The following LPIN3 variants were observed in gnomAD, a reference collection of about 807,000 sequenced individuals.
LPIN3 encodes lipin 3.
LPIN3 carries 82 observed loss-of-function variants against 94.7 expected under a neutral mutation model. The observed-to-expected ratio is 0.87, with a 90% confidence interval of 0.72 to 1.04. The LOEUF is 1.04. LPIN3 is among the 50% of genes least tolerant of loss of function. The pLI is 0.00. For synonymous variants in LPIN3, 418 were observed against 443.3 expected, an observed-to-expected ratio of 0.94 and a Z score of 0.72; for missense variants, 996 against 1,090.5, an observed-to-expected ratio of 0.91 and a Z score of 1.22.
chr20:41,350,379 A>G lies in LPIN3; in HGVS notation c.1084A>G (p.Arg362Gly), dbSNP rs748509051. 6 of 1,571,670 alleles carry G rather than the reference A, an allele frequency of 3.8e-6. No homozygotes were observed. The highest frequency in any genetic ancestry group is 5.2e-6 in the Non-Finnish European group (6 of 1,153,932). ...TCCAGTTCCCACCGGGCAGCCAGAG[A>G]GGGTCTCCAGGGGGAAAGGTGAGTG... ...EVPVPTGQPE[R>G]VSRGKGSPKR... The change falls in exon 7 of 20, where the codon AGG (arginine) becomes GGG (glycine). Residue 362 changes from arginine to glycine, a missense_variant. Physicochemically the swap from Arg to Gly is moderately radical, Grantham distance 125. Transcript: ENST00000373257.
At position 41,349,302 on chromosome 20, in the gene LPIN3, G is replaced by A. The variant is rs1328452438; in HGVS notation, c.638+130G>A. The stretch of plus-strand genomic sequence containing the variant: ...TACTAGCCATTCGTATTTTTCCTTT[G>A]TAAAGAGTTCAAGTCTTTTATTGAT... On this transcript the variant is annotated intron_variant, in intron 5 of 19. Coordinates refer to ENST00000373257, the MANE Select transcript of LPIN3 (RefSeq NM_022896.3). 6 of 752,674 alleles carry A rather than the reference G, an allele frequency of 8.0e-6. No homozygotes were observed. The Admixed American group carries it at 1.9e-4, about 24-fold the overall frequency. The allele number at this position is 752,674 out of a possible 1,614,324, so 46.6% of individuals were successfully genotyped here.
At chr20:41,341,311 T>C (rs555307836) in intron 1 of LPIN3, among the ~76,000 whole-genome samples, 8 of 152,182 alleles carry the variant, frequency 5.3e-5, no homozygotes, top group Non-Finnish European at 2.9e-5. Context: ...CTTTCTCTGG[T>C]ACCCAGTGTC....
rs749758366 is a variant in LPIN3, at chr20:41,357,406, G to A, written c.1998G>A (p.Trp666Ter). The A allele has an allele frequency of 7.4e-6, 12 of 1,613,958 alleles. No homozygotes were observed. In the Middle Eastern group the frequency reaches 1.3e-3, roughly 177 times the overall value. ...TCCTGCCCCAGCTGGGGAAAGACTGGACACACCAGGGCATCACCAGTCTCT... is the reference window on the plus strand; with the variant it reads ...TCCTGCCCCAGCTGGGGAAAGACTGAACACACCAGGGCATCACCAGTCTCT... ...GHILPQLGKD[W>*]THQGITSLYH... Residue 666 changes from tryptophan to a stop codon, truncating the protein, a stop_gained, in exon 16 of 20, where the codon TGG (tryptophan) becomes TGA (stop). Transcript: ENST00000373257. LOFTEE classifies it high-confidence loss of function.
Position 41,350,458 on chromosome 20 carries a change from G to A in LPIN3, c.1102+61G>A, listed in dbSNP as rs1456922999. 4.5e-6 allele frequency: 6 copies of A among 1,344,232 alleles called. No homozygotes were observed. In the African/African-American group the frequency reaches 7.4e-5, roughly 16 times the overall value. The allele number at this position is 1,344,232 out of a possible 1,614,324, so 83.3% of individuals were successfully genotyped here. A position where few individuals can be genotyped will look rare whatever the true frequency, so the allele number is the denominator to read the frequency against. On this transcript the variant is annotated intron_variant, in intron 7 of 19. Coordinates refer to ENST00000373257, the MANE Select transcript of LPIN3 (RefSeq NM_022896.3). ...GCCTCGCTCTGTCCCCTGGGTGGGT[G>A]CTGGGACTTCAAGTACATTTTGAGC...
At chr20:41,357,338 T>G (rs753293754) in intron 15 of LPIN3, 23 bp from the exon 16 acceptor site, 6 of 1,611,676 alleles carry the variant, frequency 3.7e-6, no homozygotes, top group Non-Finnish European at 5.1e-6. Context: ...TGCCTTGGAG[T>G]AACCCTTCCT....
Position 41,357,464 on chromosome 20 carries a change from G to T in LPIN3, c.2039+17G>T. On this transcript the variant is annotated intron_variant, in intron 16 of 19. Coordinates refer to ENST00000373257, the MANE Select transcript of LPIN3 (RefSeq NM_022896.3). ...AATCCAACTGTGAGTGCCTGGGCTG[G>T]GGCTGGGGCTGAGGCGAGGCCCCCA... 1 of 1,601,934 alleles carries T rather than the reference G, an allele frequency of 6.2e-7. No individual in the cohort carries two copies. Among genetic ancestry groups the T allele is most frequent in the African/African-American group, 1.3e-5 (1 of 74,658 alleles).
Position 41,356,039 on chromosome 20 carries a change from G to A in LPIN3, c.1803+5G>A. Reference sequence around the variant, plus strand: ...CGCCTCTCCTCCGATCAGATCGTAAGTGTGGGTTGTCTGTGTGGAGGTTGG... The same window carrying A: ...CGCCTCTCCTCCGATCAGATCGTAAATGTGGGTTGTCTGTGTGGAGGTTGG... On this transcript the variant is annotated splice_donor_5th_base_variant and intron_variant, in intron 14 of 19. Coordinates refer to ENST00000373257, the MANE Select transcript of LPIN3 (RefSeq NM_022896.3). The A allele has an allele frequency of 1.9e-6, 3 of 1,612,934 alleles. No homozygotes were observed. The highest frequency in any genetic ancestry group is 1.1e-5 in the South Asian group (1 of 90,982).
At chr20:41,346,047 T>G (rs760623105) in intron 2 of LPIN3, 52 bp downstream of exon 2, 3 of 1,568,860 alleles carry the variant, frequency 1.9e-6, no homozygotes, top group Admixed American at 1.7e-5. Flanking sequence ...CTTTTTAAGC[T>G]GGGGCAGCCA....
At chr20:41,353,001 C>A in intron 11 of LPIN3, 134 bp downstream of exon 11, 1 of 980,642 alleles carries the variant, frequency 1.0e-6, no homozygotes, top group Non-Finnish European at 1.6e-6. Context: ...GCAAGACTCA[C>A]TCTGGGAGAG....
Position 41,358,527 on chromosome 20 carries a change from A to G in LPIN3, c.2396A>G (p.Lys799Arg). ...GGAGAGCTCATCCAGGAGCTCATAA[A>G]GAACCACAAATCCACGTGAGGCTAA... ...PRGELIQELIKNHKSTYERLG... is the reference protein window; with the variant it reads ...PRGELIQELIRNHKSTYERLG... The change falls in exon 19 of 20, where the codon AAG becomes AGG. Residue 799 changes from lysine (K) to arginine (R), a missense_variant. By Grantham distance (26) the Lys-to-Arg change is conservative. Coordinates refer to ENST00000373257, the MANE Select transcript of LPIN3 (RefSeq NM_022896.3). 6.2e-7 allele frequency: 1 copy of G among 1,614,110 alleles called. No homozygotes were observed.
chr20:41,357,513 C>T lies in LPIN3; in HGVS notation c.2039+66C>T, dbSNP rs566179606. 4 of 1,408,018 alleles carry T rather than the reference C, an allele frequency of 2.8e-6. No individual in the cohort carries two copies. In the African/African-American group the frequency reaches 4.2e-5, roughly 15 times the overall value. The allele number at this position is 1,408,018 out of a possible 1,614,324, so 87.2% of individuals were successfully genotyped here. A position where few individuals can be genotyped will look rare whatever the true frequency, so the allele number is the denominator to read the frequency against. On this transcript the variant is annotated intron_variant, in intron 16 of 19. Transcript: ENST00000373257. ...CAGCTCTAGAGAGGGAGTGACAGGA[C>T]AGGACATCTTGGGGACCAGCAGGGC...
intron 1 of LPIN3, among the ~76,000 whole-genome samples, chr20:41,342,069 T>G (rs2045602705): frequency 6.6e-6 from 1 of 152,202 alleles, no homozygotes; most frequent in Non-Finnish European, 1.5e-5. Flanking sequence ...AGGACCAGCC[T>G]GCATGAGTGG....
chr20:41,345,757 G>T, intron 1 of LPIN3, 39 bp from the exon 2 acceptor site: 1 of 1,574,544 alleles, frequency 6.4e-7, no homozygotes, highest in South Asian at 1.2e-5. Context: ...GGAGGAGCTG[G>T]AGCAGACCTT....
intron 1 of LPIN3, among the ~76,000 whole-genome samples, chr20:41,344,784 T>G (rs1208578593): frequency 6.6e-6 from 1 of 152,048 alleles, no homozygotes; most frequent in African/African-American, 2.4e-5. Flanking sequence ...CAAGGCCTGA[T>G]TGTGGGTCTG....
Position 41,351,848 on chromosome 20 carries a change from G to A in LPIN3, c.1130G>A (p.Gly377Asp). ...KGSPKRSQHL[G>D]PSDIYLDDLP... The stretch of plus-strand genomic sequence containing the variant: ...TCCCCAAAGAGAAGCCAGCACCTGG[G>A]CCCCAGTGACATCTACCTGGATGAC... Residue 377 changes from glycine (G) to aspartate (D), a missense_variant, in exon 8 of 20, where the codon GGC (glycine) becomes GAC (aspartate). Gly to Asp is a moderately conservative substitution (Grantham distance 94). Transcript: ENST00000373257. 1.2e-6 allele frequency: 2 copies of A among 1,614,194 alleles called. No homozygotes were observed. The highest frequency in any genetic ancestry group is 1.7e-6 in the Non-Finnish European group (2 of 1,180,044).
At position 41,354,665 on chromosome 20, in the gene LPIN3, G is replaced by A. The variant is rs749344575; in HGVS notation, c.1548G>A (p.Glu516=). The change falls in exon 12 of 20, where the codon GAG becomes GAA. Residue 516 remains glutamate, a synonymous_variant. Coordinates refer to ENST00000373257, the MANE Select transcript of LPIN3 (RefSeq NM_022896.3). ...NLPKSTMDKL[E]REKMPRKGGR... ...CACAGAGCACCATGGACAAGCTGGA[G>A]AGGGAGAAGATGCCCCGGAAGGGTG... 3 of 1,595,110 alleles carry A rather than the reference G, an allele frequency of 1.9e-6. No homozygotes were observed. Among genetic ancestry groups the A allele is most frequent in the Non-Finnish European group, 2.6e-6 (3 of 1,169,280 alleles).
intron 13 of LPIN3, 106 bp from the exon 14 acceptor site, chr20:41,355,790 G>C: frequency 6.9e-7 from 1 of 1,444,574 alleles, no homozygotes; most frequent in Non-Finnish European, 9.5e-7. Flanking sequence ...GATACCCTGG[G>C]TAGGCCCTGG....
At chr20:41,355,864 G>A in intron 13 of LPIN3, 32 bp from the exon 14 acceptor site, 1 of 1,611,758 alleles carries the variant, frequency 6.2e-7, no homozygotes, top group Non-Finnish European at 8.5e-7. Flanking sequence ...TTTGGCTGGA[G>A]GAGATGGCCT....
chr20:41,346,744 A>T, intron 2 of LPIN3, among the ~76,000 whole-genome samples: 1 of 152,322 alleles, frequency 6.6e-6, no homozygotes, highest in African/African-American at 2.4e-5. Flanking sequence ...TCCGTCTCAA[A>T]AAATAAATAA....
Sources: allele counts gnomAD v4.1 joint callset (sites outside exome capture counted in the v4.1 genomes callset), GRCh38; gene constraint gnomAD v4.1.1; transcripts MANE v1.5; gene names NCBI Gene and HGNC (gene_info 2026-07-23, HGNC 2026-07-21).